SPAG16: variants seen among roughly 807,000 people sequenced by gnomAD.
SPAG16 encodes sperm-associated antigen 16 protein.
Under a neutral mutation model 80.4 loss-of-function variants are expected in SPAG16, and 86 were observed. The ratio of observed to expected loss-of-function variants is 1.07; its 90% confidence interval spans 0.90 to 1.28. The LOEUF (loss-of-function observed/expected upper bound fraction) is 1.28. Among genes scored for constraint, SPAG16 ranks in the 50% most tolerant of loss-of-function variants. The probability of loss-of-function intolerance (pLI) is 0.00; values close to 1 mark genes in which losing one functional copy is unlikely to be tolerated. For synonymous variants in SPAG16, 294 were observed against 265.9 expected (o/e 1.11, Z -1.03); for missense variants, 870 against 765.3 (o/e 1.14, Z -1.61).
At chr2:213,510,888 A>G (rs929829542) in intron 10 of SPAG16, among the ~76,000 whole-genome samples, 4 of 152,182 alleles carry the variant, frequency 2.6e-5, no homozygotes, top group African/African-American at 7.2e-5. Context: ...TTTATAGTTC[A>G]TCTTATTGAA....
intron 10 of SPAG16, among the ~76,000 whole-genome samples, chr2:213,627,042 A>G (rs186708197): frequency 3.3e-5 from 5 of 152,270 alleles, no homozygotes; most frequent in Admixed American, 1.3e-4. Context: ...GGCATTTCCT[A>G]TGAAGTTACA....
At chr2:213,379,668 C>T (rs1205560627) in intron 9 of SPAG16, among the ~76,000 whole-genome samples, 3 of 152,158 alleles carry the variant, frequency 2.0e-5, no homozygotes. Context: ...TGGAAGAGGT[C>T]CAGTATAATC....
intron 13 of SPAG16, among the ~76,000 whole-genome samples, chr2:214,064,543 C>T (rs1413560016): frequency 6.6e-6 from 1 of 151,928 alleles, no homozygotes; most frequent in African/African-American, 2.4e-5. Flanking sequence ...GGGCTATCTG[C>T]GTTTCATCAT....
At chr2:213,706,765 A>G (rs905787664) in intron 10 of SPAG16, among the ~76,000 whole-genome samples, 1 of 152,114 alleles carries the variant, frequency 6.6e-6, no homozygotes, top group Non-Finnish European at 1.5e-5. Flanking sequence ...TGGGTCCACA[A>G]CTCCAGAGTG....
At chr2:213,922,519 A>G (rs1350713992) in intron 11 of SPAG16, among the ~76,000 whole-genome samples, 1 of 151,374 alleles carries the variant, frequency 6.6e-6, no homozygotes, top group African/African-American at 2.4e-5. Context: ...TCTGAATTCT[A>G]TTTCTCTCAT....
intron 15 of SPAG16, among the ~76,000 whole-genome samples, chr2:214,359,473 G>A (rs1009998653): frequency 1.2e-4 from 18 of 151,880 alleles, no homozygotes; most frequent in African/African-American, 1.4e-4. Context: ...TTTAGAGCAC[G>A]AGAGAGAATA....
chr2:213,362,564 A>G (rs1036922969), intron 7 of SPAG16, among the ~76,000 whole-genome samples: 3 of 152,224 alleles, frequency 2.0e-5, no homozygotes, highest in African/African-American at 7.2e-5. Context: ...TGTTGGTAGC[A>G]TGAACCTATG....
intron 7 of SPAG16, among the ~76,000 whole-genome samples, chr2:213,355,705 C>T (rs2065605583): frequency 6.6e-6 from 1 of 152,116 alleles, no homozygotes; most frequent in Non-Finnish European, 1.5e-5. Context: ...GATTGTTGCA[C>T]ATTGATTTTG....
chr2:213,580,058 C>T (rs1216488363), intron 10 of SPAG16, among the ~76,000 whole-genome samples: 1 of 152,146 alleles, frequency 6.6e-6, no homozygotes, highest in South Asian at 2.1e-4. Context: ...CCCCCAACTT[C>T]GTTCCCCCTG....
chr2:213,462,340 G>T (rs957503464), intron 9 of SPAG16, among the ~76,000 whole-genome samples: 11 of 152,214 alleles, frequency 7.2e-5, no homozygotes, highest in Admixed American at 7.2e-4. Context: ...TGATGCCTCA[G>T]CCATAAAAGC....
intron 10 of SPAG16, among the ~76,000 whole-genome samples, chr2:213,781,701 T>G (rs1312863845): frequency 6.6e-6 from 1 of 152,188 alleles, no homozygotes; most frequent in African/African-American, 2.4e-5. Flanking sequence ...CTGGGTAAAT[T>G]TTCTAGAACT....
chr2:214,314,479 T>G (rs1695545544), intron 15 of SPAG16, among the ~76,000 whole-genome samples: 1 of 152,214 alleles, frequency 6.6e-6, no homozygotes, highest in Non-Finnish European at 1.5e-5. Flanking sequence ...TGATATTTAT[T>G]CAGCAATAGG....
rs867072761 is a variant in SPAG16, at chr2:214,126,039, C to T, written c.1593+17778C>T. Among the ~76,000 whole-genome samples the T allele has an allele frequency of 3.1e-3, 57 of 18,558 alleles. 11 individuals are homozygous for T. The highest frequency in any genetic ancestry group is 4.5e-3 in the South Asian group (2 of 440). The allele number at this position is 18,558 out of a possible 152,430, so 12.2% of individuals were successfully genotyped here. ...CCTTCCTTCCTTCCTTCCTTCCTTCCTTCCTTCCTTCCTTCCTTCCTTTTT... is the reference window on the plus strand; with the variant it reads ...CCTTCCTTCCTTCCTTCCTTCCTTCTTTCCTTCCTTCCTTCCTTCCTTTTT... On this transcript the variant is annotated intron_variant, in intron 14 of 15. Coordinates refer to ENST00000331683, the MANE Select transcript of SPAG16 (RefSeq NM_024532.5).
intron 15 of SPAG16, among the ~76,000 whole-genome samples, chr2:214,325,735 T>C (rs1696427307): frequency 6.8e-6 from 1 of 147,232 alleles, no homozygotes; most frequent in African/African-American, 2.5e-5. Flanking sequence ...TTTTTTTTTT[T>C]ACATGTATTC....
intron 11 of SPAG16, among the ~76,000 whole-genome samples, chr2:213,919,647 T>C (rs1241417725): frequency 6.6e-6 from 1 of 152,238 alleles, no homozygotes; most frequent in African/African-American, 2.4e-5. Context: ...TGTGCTGTGA[T>C]GCAAGAGAGT....
At chr2:214,072,713 G>T (rs992530540) in intron 13 of SPAG16, among the ~76,000 whole-genome samples, 2 of 152,130 alleles carry the variant, frequency 1.3e-5, no homozygotes, top group Non-Finnish European at 2.9e-5. Flanking sequence ...CCAAGATGAT[G>T]TCATTAAAAA....
intron 9 of SPAG16, among the ~76,000 whole-genome samples, chr2:213,442,336 G>A (rs1445262362): frequency 6.6e-6 from 1 of 152,188 alleles, no homozygotes; most frequent in Non-Finnish European, 1.5e-5. Context: ...TTGTCAAGAT[G>A]TTAGTTCTTT....
chr2:213,822,838 G>C (rs370083273), intron 10 of SPAG16, among the ~76,000 whole-genome samples: 1 of 152,112 alleles, frequency 6.6e-6, no homozygotes, highest in Non-Finnish European at 1.5e-5. Flanking sequence ...TTCGTTTTCT[G>C]TTCCTGTGTT....
intron 12 of SPAG16, among the ~76,000 whole-genome samples, chr2:213,949,169 G>GTTTTTTTTTTTTTTTTTTTTGTTTTTTTT (rs2079600480): frequency 1.8e-5 from 1 of 56,724 alleles, no homozygotes; most frequent in Non-Finnish European, 3.6e-5. Context: ...AATTACAACA[G>GTTTTTTTTTTTTTTTTTTTTGTTTTTTTT]TTTTTTTTTT....
Sources: allele counts gnomAD v4.1 joint callset (sites outside exome capture counted in the v4.1 genomes callset), GRCh38; gene constraint gnomAD v4.1.1; transcripts MANE v1.5; gene names NCBI Gene and HGNC (gene_info 2026-07-23, HGNC 2026-07-21).